NRAP: variants seen among roughly 807,000 people sequenced by gnomAD.
NRAP encodes the protein nebulin-related-anchoring protein.
A neutral mutation model predicts 225.9 loss-of-function variants in NRAP; 189 were observed. The ratio of observed to expected loss-of-function variants is 0.84; its 90% CI spans 0.74 to 0.94. NRAP has a LOEUF of 0.94. Ranked by LOEUF, NRAP falls within the 40% of genes least tolerant of loss-of-function variation. NRAP has a pLI of 0.00. For missense variants in NRAP, 2,176 were observed against 2,168.7 expected (o/e 1.00, Z -0.07); for synonymous variants, 769 against 790.7 (o/e 0.97, Z 0.46).
intron 3 of NRAP, among the ~76,000 whole-genome samples, chr10:113,661,748 A>T (rs1850693247): frequency 6.6e-6 from 1 of 152,160 alleles, no homozygotes. Context: ...TCAACCCCAC[A>T]CGTCCTAAAC....
chr10:113,621,016 C>T (rs1236528880), intron 24 of NRAP, among the ~76,000 whole-genome samples: 2 of 152,300 alleles, frequency 1.3e-5, no homozygotes, highest in African/African-American at 2.4e-5. Context: ...GAAGCACGTC[C>T]TCATTGTCTG....
At chr10:113,643,734 T>A (rs770539302) in intron 11 of NRAP, among the ~76,000 whole-genome samples, 6 of 152,208 alleles carry the variant, frequency 3.9e-5, no homozygotes, top group Non-Finnish European at 7.3e-5. Context: ...GATGGCTGGT[T>A]TGTCTTACTG....
chr10:113,591,868 G>A (rs992410226), intron 39 of NRAP, among the ~76,000 whole-genome samples: 1 of 152,152 alleles, frequency 6.6e-6, no homozygotes, highest in Non-Finnish European at 1.5e-5. Flanking sequence ...CTACCACACT[G>A]AACTTCAGCT....
rs188846623 is a variant in NRAP, at chr10:113,629,098, G to A, written c.2041-77C>T. On this transcript the variant is annotated intron_variant, in intron 19 of 41. Coordinates refer to ENST00000359988, the MANE Select transcript of NRAP (RefSeq NM_198060.4). ...ACAAAGTTGATGGGAGAGTTAAGAA[G>A]ATCTTGATCCTGCATTTGCCTTCCT... The A allele has an allele frequency of 3.8e-3, 4,018 of 1,045,268 alleles. 17 individuals are homozygous for A. Among genetic ancestry groups the A allele is most frequent in the Non-Finnish European group, 5.2e-3 (3,500 of 667,480 alleles). 64.7% of individuals were successfully genotyped at this position (1,045,268 alleles called of 1,614,324 possible). A position where few individuals can be genotyped will look rare whatever the true frequency, so the allele number is the denominator to read the frequency against.
At chr10:113,652,709 C>T (rs755414409) in intron 6 of NRAP, among the ~76,000 whole-genome samples, 20 of 152,172 alleles carry the variant, frequency 1.3e-4, no homozygotes, top group Non-Finnish European at 2.6e-4. Flanking sequence ...GTGGTCCAGA[C>T]TTTGGGTGAA....
At chr10:113,659,497 C>T (rs1327479616) in intron 3 of NRAP, among the ~76,000 whole-genome samples, 1 of 152,152 alleles carries the variant, frequency 6.6e-6, no homozygotes, top group Non-Finnish European at 1.5e-5. Flanking sequence ...ATTTGCTGTC[C>T]TCCTTCCCCA....
At chr10:113,592,074 C>A in intron 39 of NRAP, 120 bp downstream of exon 39, 1 of 523,070 alleles carries the variant, frequency 1.9e-6, no homozygotes, top group Non-Finnish European at 3.4e-6. Flanking sequence ...AGTACATGTT[C>A]AGTTTTGGTG....
At chr10:113,652,877 G>A (rs1592866822) in intron 6 of NRAP, 58 bp downstream of exon 6, 2 of 1,134,542 alleles carry the variant, frequency 1.8e-6, no homozygotes, top group South Asian at 2.5e-5. Flanking sequence ...AAATCACGGG[G>A]GCTCATTAAT....
At position 113,605,708 on chromosome 10, in the gene NRAP, T is replaced by C. The variant is rs1438964268; in HGVS notation, c.3915+54A>G. 8 of 1,182,226 alleles carry C rather than the reference T, an allele frequency of 6.8e-6. No homozygotes were observed. The East Asian group carries it at 1.9e-4, about 28-fold the overall frequency. The allele number at this position is 1,182,226 out of a possible 1,614,324, so 73.2% of individuals were successfully genotyped here. A position where few individuals can be genotyped will look rare whatever the true frequency, so the allele number is the denominator to read the frequency against. Reference sequence around the variant, plus strand: ...GGAAAATCAGCCGTAGACATTGTTTTACATGAAGTTAACAGAAATTAGGCA... The same window carrying C: ...GGAAAATCAGCCGTAGACATTGTTTCACATGAAGTTAACAGAAATTAGGCA... On this transcript the variant is annotated intron_variant, in intron 34 of 41. Transcript: ENST00000359988.
At chr10:113,598,772 C>A (rs2133860397) in intron 35 of NRAP, among the ~76,000 whole-genome samples, 1 of 152,328 alleles carries the variant, frequency 6.6e-6, no homozygotes, top group Middle Eastern at 3.4e-3. Context: ...CAGTTTACCA[C>A]CTCCTCCCAC....
In NRAP at chr10:113,626,030, G is replaced by T. The variant is rs543216964; in HGVS notation, c.2244+17C>A. Reference sequence around the variant, plus strand: ...TGACACAGCAGCTTGGTGGAGAAAGGGCAGCCCAGGACTCACCCCGCTCTG... The same window carrying T: ...TGACACAGCAGCTTGGTGGAGAAAGTGCAGCCCAGGACTCACCCCGCTCTG... On this transcript the variant is annotated intron_variant, in intron 21 of 41. Transcript: ENST00000359988. The T allele has an allele frequency of 3.8e-6, 6 of 1,574,048 alleles. No homozygotes were observed. The highest frequency in any genetic ancestry group is 2.7e-5 in the African/African-American group (2 of 73,904).
rs189607000 is a variant in NRAP, at chr10:113,604,847, C to T, written c.3989G>A (p.Arg1330Gln). 255 of 1,614,158 alleles carry T rather than the reference C, an allele frequency of 1.6e-4. No homozygotes were observed. Among genetic ancestry groups the T allele is most frequent in the Admixed American group, 9.0e-4 (54 of 60,020 alleles). ...GCCCATGCGCCGGCAGTGCTGGATC[C>T]GGGGGTCGTCTCTTACACTCTGGGG... ...IGPQSVRDDP[R>Q]IQHCRRMGQL... The change falls in exon 35 of 42, where the codon CGG becomes CAG. Residue 1330 changes from arginine (R) to glutamine (Q), a missense_variant. Around this residue, in one of 3 missense-constraint regions of NRAP, gnomAD observed 1,708 missense variants for 1,695.5 expected, o/e 1.01. Coordinates refer to ENST00000359988, the MANE Select transcript of NRAP (RefSeq NM_198060.4).
chr10:113,612,518 T>A, intron 29 of NRAP, 87 bp from the exon 30 acceptor site: 1 of 1,080,600 alleles, frequency 9.3e-7, no homozygotes, highest in South Asian at 1.4e-5. Flanking sequence ...AATGCAGTTG[T>A]CTGGAGGTAA....
At position 113,621,937 on chromosome 10, in the gene NRAP, G is replaced by T; in HGVS notation, c.2701C>A (p.His901Asn). 6.2e-7 allele frequency: 1 copy of T among 1,614,188 alleles called. No individual in the cohort carries two copies. The highest frequency in any genetic ancestry group is 1.1e-5 in the South Asian group (1 of 91,076). Reference sequence around the variant, plus strand: ...ATGTCTGTGGGCAAAGCCGTAAAGTGATGTTCCGCTGTCTTGTAGCCTACG... The same window carrying T: ...ATGTCTGTGGGCAAAGCCGTAAAGTTATGTTCCGCTGTCTTGTAGCCTACG... The part of the protein sequence containing the change: ...TDVGYKTAEH[H>N]FTALPTDMKV... The change falls in exon 24 of 42, where the codon CAC becomes AAC. Residue 901 changes from histidine (H) to asparagine (N), a missense_variant. His to Asn is a moderately conservative substitution (Grantham distance 68). Coordinates refer to ENST00000359988, the MANE Select transcript of NRAP (RefSeq NM_198060.4).
chr10:113,653,731 A>G (rs1850131539), intron 5 of NRAP, among the ~76,000 whole-genome samples: 1 of 152,066 alleles, frequency 6.6e-6, no homozygotes, highest in African/African-American at 2.4e-5. Context: ...GGGCCATTGG[A>G]GATGGTTCCT....
chr10:113,626,152 C>A lies in NRAP; in HGVS notation c.2146-7G>T, dbSNP rs1265795174. Reference sequence around the variant, plus strand: ...CCCTCTGCCGGTAGTTTTTCTGTTTCCAAAGGAAAGGGACCCCACAGCATT... The same window carrying A: ...CCCTCTGCCGGTAGTTTTTCTGTTTACAAAGGAAAGGGACCCCACAGCATT... On this transcript the variant is annotated splice_region_variant and splice_polypyrimidine_tract_variant and intron_variant, in intron 20 of 41. Coordinates refer to ENST00000359988, the MANE Select transcript of NRAP (RefSeq NM_198060.4). 1 of 1,590,830 alleles carries A rather than the reference C, an allele frequency of 6.3e-7. No individual in the cohort carries two copies. Among genetic ancestry groups the A allele is most frequent in the Non-Finnish European group, 8.6e-7 (1 of 1,168,028 alleles).
rs755383440 is a variant in NRAP, at chr10:113,610,518, C to T, written c.3544G>A (p.Val1182Ile). 1.1e-5 allele frequency: 18 copies of T among 1,603,852 alleles called. No individual in the cohort carries two copies. The highest frequency in any genetic ancestry group is 1.5e-5 in the Non-Finnish European group (17 of 1,170,758). Reference sequence around the variant, plus strand: ...TCAATCTCTAACGTGCCTGGAATGACACATGCAACACCTCGCATAAAGTTC... The same window carrying T: ...TCAATCTCTAACGTGCCTGGAATGATACATGCAACACCTCGCATAAAGTTC... ...DLNFMRGVAC[V>I]IPGTLEIEGR... is the part of the protein sequence containing the mutation. Residue 1182 changes from valine (V) to isoleucine (I), a missense_variant, in exon 31 of 42, where the codon GTC (valine) becomes ATC (isoleucine). Val to Ile is a conservative substitution (Grantham distance 29). Transcript: ENST00000359988.
At chr10:113,653,315 G>A (rs558533506) in intron 5 of NRAP, among the ~76,000 whole-genome samples, 1 of 152,112 alleles carries the variant, frequency 6.6e-6, no homozygotes, top group Admixed American at 6.5e-5. Context: ...TGGCTCTAAG[G>A]CCTGTAGGTA....
At chr10:113,625,964 G>A in intron 21 of NRAP, 83 bp downstream of exon 21, 1 of 859,736 alleles carries the variant, frequency 1.2e-6, no homozygotes, top group Non-Finnish European at 1.8e-6. Flanking sequence ...GATTGTGCCT[G>A]GGCGGCACCT....
Sources: gnomAD v4.1 joint callset for allele counts (sites outside exome capture counted in the v4.1 genomes callset) on GRCh38, gnomAD v4.1.1 for gene constraint, gnomAD v4.1.1 regional missense constraint, MANE v1.5 for transcripts, NCBI Gene and HGNC (gene_info 2026-07-23, HGNC 2026-07-21) for gene names.